Variants in CDH18 observed in about 807,000 individuals in gnomAD.
The protein encoded by CDH18 is cadherin 18.
In CDH18, 31 loss-of-function variants were observed where a neutral mutation model predicts 67.9. That is an observed-to-expected ratio of 0.46 (90% CI 0.34 to 0.62). The LOEUF (loss-of-function observed/expected upper bound fraction) is 0.62. Among genes scored for constraint, CDH18 ranks in the 20% least tolerant of loss-of-function variants. The pLI, the probability that CDH18 is intolerant of heterozygous loss-of-function variation, is 0.01. For missense variants in CDH18, 890 were observed against 975.5 expected, an observed-to-expected ratio of 0.91 and a Z score of 1.17; for synonymous variants, 362 against 347.2, an observed-to-expected ratio of 1.04 and a Z score of -0.48.
At chr5:19,797,527 C>G (rs1290901090) in intron 3 of CDH18, among the ~76,000 whole-genome samples, 1 of 151,856 alleles carries the variant, frequency 6.6e-6, no homozygotes, top group Non-Finnish European at 1.5e-5. Context: ...GATCATCAAA[C>G]ACAAATCAAT....
chr5:20,491,975 A>G (rs1753613315), intron 1 of CDH18, among the ~76,000 whole-genome samples: 1 of 152,012 alleles, frequency 6.6e-6, no homozygotes, highest in South Asian at 2.1e-4. Context: ...ACTTTTAATA[A>G]TATGTTTTAT....
chr5:20,083,759 T>C (rs1049047710), intron 2 of CDH18, among the ~76,000 whole-genome samples: 2 of 152,182 alleles, frequency 1.3e-5, no homozygotes, highest in East Asian at 1.9e-4. Context: ...ACGTCTTACA[T>C]GGATGGCAGC....
intron 3 of CDH18, among the ~76,000 whole-genome samples, chr5:19,766,165 C>A (rs1773065380): frequency 6.6e-6 from 1 of 152,184 alleles, no homozygotes; most frequent in South Asian, 2.1e-4. Context: ...AGGCGTCAGC[C>A]ATCGTGCCCG....
At chr5:19,857,284 G>C (rs994173001) in intron 2 of CDH18, among the ~76,000 whole-genome samples, 2 of 151,358 alleles carry the variant, frequency 1.3e-5, no homozygotes, top group Non-Finnish European at 2.9e-5. Context: ...AATGATTTCT[G>C]TCACTAGTCA....
intron 2 of CDH18, among the ~76,000 whole-genome samples, chr5:19,876,281 C>A (rs1425751425): frequency 1.3e-5 from 2 of 152,038 alleles, no homozygotes; most frequent in South Asian, 2.1e-4. Context: ...ACCTTTGCAT[C>A]CTGAGGCTTG....
chr5:19,502,943 G>A, intron 11 of CDH18, 49 bp downstream of exon 11: 1 of 1,064,956 alleles, frequency 9.4e-7, no homozygotes, highest in Non-Finnish European at 1.5e-6. Flanking sequence ...TACATATAAG[G>A]TCAAAGCAGA....
chr5:19,480,388 TTTA>T lies in CDH18; in HGVS notation c.1882+2910_1882+2912del, dbSNP rs1166698657. Among the ~76,000 whole-genome samples the T allele has an allele frequency of 5.3e-5, 8 of 149,918 alleles. No homozygotes were observed. In the East Asian group the frequency reaches 5.8e-4, roughly 11 times the overall value. ...ATTTATTTATTTATTTATTTATTTATTTATTTGAGATGGAGTCTCACTCTGTCA... is the reference window on the plus strand; with the variant it reads ...ATTTATTTATTTATTTATTTATTTATTTTGAGATGGAGTCTCACTCTGTCA... On this transcript the variant is annotated intron_variant, in intron 12 of 12. Coordinates refer to ENST00000382275, the MANE Select transcript of CDH18 (RefSeq NM_004934.5).
At chr5:20,573,263 GA>G (rs764640372) in intron 1 of CDH18, among the ~76,000 whole-genome samples, 1 of 151,280 alleles carries the variant, frequency 6.6e-6, no homozygotes, top group African/African-American at 2.4e-5. Context: ...TCTATTCACA[GA>G]AAAAAAACTT....
chr5:19,543,839 T>A (rs746250214), intron 9 of CDH18, 30 bp downstream of exon 9: 2 of 1,499,084 alleles, frequency 1.3e-6, no homozygotes, highest in Non-Finnish European at 1.8e-6. Flanking sequence ...ACAAGTGACA[T>A]CTTTTACTGT....
At chr5:20,346,427 G>A (rs1225749525) in intron 1 of CDH18, among the ~76,000 whole-genome samples, 2 of 152,122 alleles carry the variant, frequency 1.3e-5, no homozygotes, top group African/African-American at 4.8e-5. Flanking sequence ...GAAAGAGCTT[G>A]GGCTGGTACT....
rs1747322133 is a variant in CDH18 at position 20,294,274 on chromosome 5, T to G, written c.-579-38769A>C. On this transcript the variant is annotated intron_variant, in intron 1 of 14. Transcript: ENST00000507958. ...CAACCAACAGCCCATAAAAGGTCAT[T>G]ATCAAATATTTTTTCCATTTTCCTT... Among the ~76,000 whole-genome samples, 4 of 152,194 alleles carry G rather than the reference T, an allele frequency of 2.6e-5. No individual in the cohort carries two copies. The South Asian group carries it at 8.3e-4, about 31-fold the overall frequency.
chr5:20,369,619 A>G (rs969862076), intron 1 of CDH18, among the ~76,000 whole-genome samples: 1 of 152,224 alleles, frequency 6.6e-6, no homozygotes, highest in Non-Finnish European at 1.5e-5. Context: ...ATTATTTGGG[A>G]AATATGAATA....
chr5:20,178,059 A>G (rs1452231905), intron 2 of CDH18, among the ~76,000 whole-genome samples: 3 of 151,898 alleles, frequency 2.0e-5, no homozygotes, highest in African/African-American at 7.3e-5. Flanking sequence ...TGAAGGTGTG[A>G]TTAGAACAAA....
Position 20,467,145 on chromosome 5 carries a change from G to A in CDH18, c.-580+108317C>T, listed in dbSNP as rs191207246. On this transcript the variant is annotated intron_variant, in intron 1 of 14. Transcript: ENST00000507958. The stretch of plus-strand genomic sequence containing the variant: ...GTTCAATATGACCATTGTGTATAAT[G>A]TAGCAGTAGGTCCCAACATTTTTAA... Among the ~76,000 whole-genome samples, 14 of 152,174 alleles carry A rather than the reference G, an allele frequency of 9.2e-5. No individual in the cohort carries two copies. The East Asian group carries it at 9.6e-4, about 10-fold the overall frequency.
At chr5:19,607,160 G>T (rs1438968084) in intron 6 of CDH18, among the ~76,000 whole-genome samples, 2 of 151,304 alleles carry the variant, frequency 1.3e-5, no homozygotes, top group Non-Finnish European at 1.5e-5. Flanking sequence ...ACTAAAAATG[G>T]GAAAATAATA....
chr5:20,335,050 T>A (rs1453808815), intron 1 of CDH18, among the ~76,000 whole-genome samples: 1 of 152,218 alleles, frequency 6.6e-6, no homozygotes, highest in Non-Finnish European at 1.5e-5. Flanking sequence ...CCTGATCTTG[T>A]GCTAGGCAGA....
chr5:20,282,272 G>A (rs1746340889), intron 1 of CDH18, among the ~76,000 whole-genome samples: 1 of 152,186 alleles, frequency 6.6e-6, no homozygotes, highest in Non-Finnish European at 1.5e-5. Flanking sequence ...TGGTGAAAGA[G>A]GGCATCCCTG....
At chr5:20,568,711 T>G (rs772758050) in intron 1 of CDH18, among the ~76,000 whole-genome samples, 1 of 152,156 alleles carries the variant, frequency 6.6e-6, no homozygotes. Context: ...ACATTTTCTA[T>G]CTATTCCTCC....
At chr5:20,121,634 ACATGAAAAG>A (rs2126417813) in intron 2 of CDH18, among the ~76,000 whole-genome samples, 1 of 152,268 alleles carries the variant, frequency 6.6e-6, no homozygotes, top group East Asian at 1.9e-4. Context: ...ACTTTAAAAA[ACATGAAAAG>A]CTATAGTTTT....
Sources: gnomAD v4.1 joint callset for allele counts (sites outside exome capture counted in the v4.1 genomes callset) on GRCh38, gnomAD v4.1.1 for gene constraint, MANE v1.5 for transcripts, NCBI Gene and HGNC (gene_info 2026-07-23, HGNC 2026-07-21) for gene names.